The following RNF217 variants were observed in gnomAD, a reference collection of about 807,000 sequenced individuals.
RNF217 encodes the protein E3 ubiquitin-protein ligase RNF217.
Under a neutral mutation model 57.8 loss-of-function variants are expected in RNF217, and 31 were observed. The ratio of observed to expected loss-of-function variants is 0.54; its 90% CI spans 0.40 to 0.72. The LOEUF is 0.72. Ranked by LOEUF, RNF217 falls within the 30% of genes least tolerant of loss-of-function variation. RNF217 has a pLI of 0.00. For synonymous variants in RNF217, 313 were observed against 294.0 expected (o/e 1.06, Z -0.66); for missense variants, 696 against 708.3 (o/e 0.98, Z 0.20).
chr6:125,034,395 G>C (rs1180324626), intron 1 of RNF217, among the ~76,000 whole-genome samples: 1 of 152,148 alleles, frequency 6.6e-6, no homozygotes, highest in African/African-American at 2.4e-5. Context: ...AAGGGATCCA[G>C]TTTCAGCTTT....
At position 125,088,369 on chromosome 6, in the gene RNF217, A is replaced by C. The variant is rs1346902541; in HGVS notation, c.*5432A>C. 1 of 152,154 alleles carries C rather than the reference A, an allele frequency of 6.6e-6. No individual in the cohort carries two copies. Among genetic ancestry groups the C allele is most frequent in the Non-Finnish European group, 1.5e-5 (1 of 68,012 alleles). The allele number at this position is 152,154 out of a possible 1,614,324, so 9.4% of individuals were successfully genotyped here. A position where few individuals can be genotyped will look rare whatever the true frequency, so the allele number is the denominator to read the frequency against. ...GGACTCCTTTGAAACTCTGATTTTG[A>C]AAATAGAACAAATACACATTTCATA... On this transcript the variant is annotated 3_prime_UTR_variant, in exon 6 of 6. Coordinates refer to ENST00000521654, the MANE Select transcript of RNF217 (RefSeq NM_001286398.3).
intron 1 of RNF217, among the ~76,000 whole-genome samples, chr6:125,030,541 G>T (rs546944007): frequency 6.6e-6 from 1 of 152,166 alleles, no homozygotes; most frequent in African/African-American, 2.4e-5. Flanking sequence ...AAAACAAAGG[G>T]TTTAGAGCGC....
intron 3 of RNF217, among the ~76,000 whole-genome samples, chr6:125,073,596 T>C (rs1788236596): frequency 6.6e-6 from 1 of 152,196 alleles, no homozygotes; most frequent in African/African-American, 2.4e-5. Flanking sequence ...GTTTTGCTTT[T>C]CTTGCCCAAA....
intron 1 of RNF217, among the ~76,000 whole-genome samples, chr6:125,002,641 C>T (rs1785032243): frequency 6.6e-6 from 1 of 152,098 alleles, no homozygotes; most frequent in South Asian, 2.1e-4. Flanking sequence ...TCACGCTGGC[C>T]CCGTATGTTC....
chr6:124,998,377 A>G (rs1293021568), intron 1 of RNF217, among the ~76,000 whole-genome samples: 5 of 152,184 alleles, frequency 3.3e-5, no homozygotes, highest in African/African-American at 4.8e-5. Context: ...GACGAATTCA[A>G]CTTTTCCTAA....
intron 1 of RNF217, among the ~76,000 whole-genome samples, chr6:124,964,546 C>G (rs1022684215): frequency 6.6e-6 from 1 of 152,122 alleles, no homozygotes; most frequent in African/African-American, 2.4e-5. Flanking sequence ...CATGTGATTC[C>G]TCTATGTTTT....
intron 1 of RNF217, among the ~76,000 whole-genome samples, chr6:125,044,046 A>T (rs540117397): frequency 9.9e-5 from 14 of 140,874 alleles, no homozygotes; most frequent in African/African-American, 3.3e-4. Flanking sequence ...GTTAAAAGTT[A>T]CTATGAATTT....
chr6:124,989,736 C>G lies in RNF217; in HGVS notation c.882+26310C>G, dbSNP rs547416347. Among the ~76,000 whole-genome samples the G allele has an allele frequency of 4.6e-5, 7 of 152,014 alleles. No individual in the cohort carries two copies. The South Asian group carries it at 1.5e-3, about 32-fold the overall frequency. On this transcript the variant is annotated intron_variant, in intron 1 of 5. Transcript: ENST00000521654. ...AATCATTCACAGGTCGTAGGCTGTA[C>G]CAAACAGGCAGCAGGTTAGATGTGG... is the stretch of plus-strand genomic sequence containing the variant.
At chr6:125,050,773 G>A (rs940099193) in intron 2 of RNF217, among the ~76,000 whole-genome samples, 20 of 151,352 alleles carry the variant, frequency 1.3e-4, no homozygotes, top group African/African-American at 4.1e-4. Flanking sequence ...CTAGTTGTGC[G>A]TCTTCCCTGC....
At chr6:125,024,303 C>T (rs538026572) in intron 1 of RNF217, among the ~76,000 whole-genome samples, 11 of 152,270 alleles carry the variant, frequency 7.2e-5, no homozygotes, top group African/African-American at 2.2e-4. Context: ...ATGAAGGAGG[C>T]CAGGCACGGT....
At chr6:124,985,085 A>C (rs1267756417) in intron 1 of RNF217, among the ~76,000 whole-genome samples, 1 of 152,232 alleles carries the variant, frequency 6.6e-6, no homozygotes, top group Non-Finnish European at 1.5e-5. Flanking sequence ...ATCCATACTA[A>C]TAGGATAATT....
chr6:125,065,785 C>T (rs1294382547), intron 3 of RNF217, among the ~76,000 whole-genome samples: 1 of 152,134 alleles, frequency 6.6e-6, no homozygotes, highest in Middle Eastern at 3.2e-3. Flanking sequence ...CAGCAAACTA[C>T]ACATAGAATT....
chr6:124,983,273 G>T, intron 1 of RNF217: 2 of 711,940 alleles, frequency 2.8e-6, no homozygotes, highest in Non-Finnish European at 1.7e-6. Context: ...AAAGGCTTTT[G>T]TGTCTTGTGA....
chr6:125,048,371 C>T, intron 2 of RNF217: 1 of 816,024 alleles, frequency 1.2e-6, no homozygotes, highest in Non-Finnish European at 1.8e-6. Flanking sequence ...AATTCAAGTA[C>T]TCACACACAA....
intron 1 of RNF217, among the ~76,000 whole-genome samples, chr6:125,043,838 G>A (rs1250430541): frequency 6.6e-6 from 1 of 152,066 alleles, no homozygotes; most frequent in African/African-American, 2.4e-5. Context: ...TTGTACAGTA[G>A]TAGCATAAAA....
At chr6:125,031,285 A>G (rs1786347722) in intron 1 of RNF217, among the ~76,000 whole-genome samples, 2 of 152,136 alleles carry the variant, frequency 1.3e-5, no homozygotes, top group South Asian at 2.1e-4. Flanking sequence ...TTTACTCATG[A>G]TCTTGGGGAT....
chr6:125,026,630 T>C (rs1158513763), intron 1 of RNF217, among the ~76,000 whole-genome samples: 4 of 152,176 alleles, frequency 2.6e-5, no homozygotes, highest in Non-Finnish European at 2.9e-5. Context: ...AAACAAGTAT[T>C]TAAAACATTT....
chr6:124,993,702 G>A (rs908597998), intron 1 of RNF217, among the ~76,000 whole-genome samples: 2 of 152,170 alleles, frequency 1.3e-5, no homozygotes, highest in Admixed American at 6.5e-5. Context: ...TAGGAAGGCC[G>A]GGTAGGCCAG....
intron 3 of RNF217, among the ~76,000 whole-genome samples, chr6:125,063,204 T>C (rs1342526182): frequency 2.0e-5 from 3 of 152,152 alleles, no homozygotes; most frequent in Non-Finnish European, 4.4e-5. Context: ...AAAGTCTGAG[T>C]TAAGAAGAAA....
Sources: gnomAD v4.1 joint callset for allele counts (sites outside exome capture counted in the v4.1 genomes callset) on GRCh38, gnomAD v4.1.1 for gene constraint, MANE v1.5 for transcripts, NCBI Gene and HGNC (gene_info 2026-07-23, HGNC 2026-07-21) for gene names.